QRICH2: variants seen among roughly 807,000 people sequenced by gnomAD.
QRICH2 encodes glutamine rich 2, also known as glutamine-rich protein 2.
A neutral mutation model predicts 168.3 loss-of-function variants in QRICH2; 119 were observed. The observed-to-expected ratio is 0.71, with a 90% confidence interval of 0.61 to 0.82. QRICH2 has a LOEUF of 0.82. Ranked by LOEUF, QRICH2 falls within the 40% of genes least tolerant of loss-of-function variation. The probability of loss-of-function intolerance (pLI) is 0.00; values close to 1 mark genes in which losing one functional copy is unlikely to be tolerated. For missense variants in QRICH2, 2,241 were observed against 2,491.6 expected (o/e 0.90, Z 2.14); for synonymous variants, 894 against 951.2 (o/e 0.94, Z 1.11).
intron 3 of QRICH2, among the ~76,000 whole-genome samples, chr17:76,297,570 C>G (rs764598409): frequency 1.3e-5 from 2 of 152,008 alleles, no homozygotes; most frequent in Non-Finnish European, 2.9e-5. Context: ...ATGGCTGGCA[C>G]CTGATCAAAG....
At chr17:76,298,280 G>A (rs1373245136) in intron 3 of QRICH2, among the ~76,000 whole-genome samples, 2 of 146,438 alleles carry the variant, frequency 1.4e-5, no homozygotes, top group African/African-American at 2.6e-5. Context: ...ACCTCCCGGC[G>A]CCATTCTCCT....
At position 76,280,307 on chromosome 17, in the gene QRICH2, G is replaced by A; in HGVS notation, c.4606C>T (p.Leu1536Phe). The change falls in exon 11 of 19, where the codon CTC becomes TTC. Residue 1536 changes from leucine to phenylalanine, a missense_variant. Physicochemically the swap from Leu to Phe is conservative, Grantham distance 22. This residue lies in a region of QRICH2 where 2,047 missense variants were observed against 2,303.8 expected (regional missense o/e 0.89). Coordinates refer to ENST00000680821, the MANE Select transcript of QRICH2 (RefSeq NM_001388453.1). This position sits in a 1 kb window ranked among gnomAD's most constrained non-coding sequence, Gnocchi z 7.4. ...CTCACCTTGTTGTCCATCTCTGTGA[G>A]CAGCCTGTCCAGCATCTTCTGCCAG... ...QDWQKMLDRL[L>F]TEMDNKLDRL... 6.2e-7 allele frequency: 1 copy of A among 1,614,150 alleles called. No individual in the cohort carries two copies. The highest frequency in any genetic ancestry group is 8.5e-7 in the Non-Finnish European group (1 of 1,180,026).
At chr17:76,277,956 C>T (rs1321761520) in intron 15 of QRICH2, 33 bp downstream of exon 15, 21 of 1,600,582 alleles carry the variant, frequency 1.3e-5, no homozygotes, top group Non-Finnish European at 1.8e-5. Context: ...CACTGGGTGC[C>T]TGCTCCCATG....
Position 76,274,097 on chromosome 17 carries a change from C to T in QRICH2, c.5646G>A (p.Arg1882=). 1.3e-6 allele frequency: 2 copies of T among 1,579,858 alleles called. No individual in the cohort carries two copies. Among genetic ancestry groups the T allele is most frequent in the Non-Finnish European group, 1.7e-6 (2 of 1,167,906 alleles). The change falls in exon 19 of 19, where the codon CGG becomes CGA. Residue 1882 remains arginine, a synonymous_variant. Coordinates refer to ENST00000680821, the MANE Select transcript of QRICH2 (RefSeq NM_001388453.1). The stretch of plus-strand genomic sequence containing the variant: ...CCTCCGCTCACTGAGCGGTGCTGGA[C>T]CGCGGCCCCCGCGTGGGCTCCTCGA... ...EGLEEPTRGP[R]SSTAQ is the part of the protein sequence containing the mutation.
chr17:76,308,848 T>C (rs138891180), upstream of QRICH2, among the ~76,000 whole-genome samples: 19,255 of 151,620 alleles, frequency 0.13, 2,867 homozygotes, highest in African/African-American at 0.37. Flanking sequence ...CGGGTTGACA[T>C]GATTCTCCTG....
chr17:76,274,282 G>A, intron 18 of QRICH2, 22 bp from the exon 19 acceptor site: 7 of 1,571,578 alleles, frequency 4.5e-6, no homozygotes, highest in Non-Finnish European at 6.0e-6. Flanking sequence ...GGGTGCTGAG[G>A]TTGCTCAACA....
At chr17:76,301,703 A>ATTT (rs370779519) in intron 3 of QRICH2, among the ~76,000 whole-genome samples, 10 of 121,782 alleles carry the variant, frequency 8.2e-5, no homozygotes, top group African/African-American at 2.1e-4. Flanking sequence ...GTGTTTTATA[A>ATTT]TTTTTTTTTT....
At position 76,275,895 on chromosome 17, in the gene QRICH2, C is replaced by A. The variant is rs1476064695; in HGVS notation, c.5406G>T (p.Arg1802Ser). ...KSQQPRPHVH[R>S]PPSLSSNGQL... The stretch of plus-strand genomic sequence containing the variant: ...GGCCATTGCTGCTGAGGGATGGCGG[C>A]CTGTGCACGTGGGGCCTGGGCTGCT... The change falls in exon 18 of 19, where the codon AGG becomes AGT. Residue 1802 changes from arginine to serine, a missense_variant. Around this residue, in one of 3 missense-constraint regions of QRICH2, gnomAD observed 189 missense variants for 169.3 expected, o/e 1.12. Coordinates refer to ENST00000680821, the MANE Select transcript of QRICH2 (RefSeq NM_001388453.1). 6.2e-7 allele frequency: 1 copy of A among 1,609,106 alleles called. No individual in the cohort carries two copies. The highest frequency in any genetic ancestry group is 2.2e-5 in the East Asian group (1 of 44,874).
chr17:76,287,747 GC>G, intron 6 of QRICH2, 52 bp downstream of exon 6: 1 of 1,388,348 alleles, frequency 7.2e-7, no homozygotes, highest in Non-Finnish European at 1.0e-6. Context: ...CACCTCCTTG[GC>G]TGAGAATTCG....
At chr17:76,285,585 C>T (rs2070867697) in intron 7 of QRICH2, among the ~76,000 whole-genome samples, 1 of 151,362 alleles carries the variant, frequency 6.6e-6, no homozygotes, top group South Asian at 2.1e-4. Context: ...AAAACTTATA[C>T]ATGAGGCCAG....
intron 5 of QRICH2, among the ~76,000 whole-genome samples, chr17:76,289,514 T>C (rs9900514): frequency 0.39 from 58,720 of 151,934 alleles, 12,779 homozygotes; most frequent in African/African-American, 0.6. Context: ...ATCCAGGAAA[T>C]GAACACGATG....
rs775515552 is a variant in QRICH2, at chr17:76,291,188, C to T, written c.3539G>A (p.Arg1180His). 5.0e-6 allele frequency: 8 copies of T among 1,614,032 alleles called. No individual in the cohort carries two copies. Among genetic ancestry groups the T allele is most frequent in the East Asian group, 2.2e-5 (1 of 44,896 alleles). ...AGAACTCATTCTACGCAGTGAATTG[C>T]GTCGCTCACTCAGGACTTCACTCGA... ...EVSSEVLSER[R>H]NSLRRMSSSF... The change falls in exon 4 of 19, where the codon CGC becomes CAC. Residue 1180 changes from arginine (R) to histidine (H), a missense_variant. Arg to His is a conservative substitution (Grantham distance 29, BLOSUM62 0). Coordinates refer to ENST00000680821, the MANE Select transcript of QRICH2 (RefSeq NM_001388453.1).
Position 76,291,055 on chromosome 17 carries a change from T to C in QRICH2, c.3672A>G (p.Gln1224=), listed in dbSNP as rs918573283. The change falls in exon 4 of 19, where the codon CAA becomes CAG. Residue 1224 remains glutamine (Q), a synonymous_variant. Transcript: ENST00000680821. ...MKDLDEEQAG[Q]TDLEKIQFLL... is the part of the protein sequence containing the mutation. ...GGAACTGGATCTTCTCCAAGTCGGT[T>C]TGGCCGGCCTGCTCCTCATCCAGAT... The C allele has an allele frequency of 1.2e-6, 2 of 1,613,818 alleles. No homozygotes were observed. The highest frequency in any genetic ancestry group is 1.3e-5 in the African/African-American group (1 of 74,916).
chr17:76,307,896 C>G lies in QRICH2; in HGVS notation c.103G>C (p.Val35Leu), dbSNP rs1910908234. 1.6e-6 allele frequency: 2 copies of G among 1,266,448 alleles called. No individual in the cohort carries two copies. The highest frequency in any genetic ancestry group is 3.1e-5 in the East Asian group (1 of 32,434). The allele number at this position is 1,266,448 out of a possible 1,614,324, so 78.5% of individuals were successfully genotyped here. ...AGGTCGAGGTTCTTGAGCATGGCCA[C>G]GATGAGCGTGTGCAGGGCCGTGAAG... Reference protein sequence around the residue: ...VNFTALHTLIVAMLKNLDLQN... With the variant: ...VNFTALHTLILAMLKNLDLQN... The change falls in exon 1 of 19, where the codon GTG (valine) becomes CTG (leucine). Residue 35 changes from valine (V) to leucine (L), a missense_variant. Transcript: ENST00000680821. The surrounding 1 kb of genome is among the most constrained non-coding windows in gnomAD (Gnocchi z 5.3).
chr17:76,292,699 A>C lies in QRICH2; in HGVS notation c.2028T>G (p.Phe676Leu). The change falls in exon 4 of 19, where the codon TTT becomes TTG. Residue 676 changes from phenylalanine to leucine, a missense_variant. By Grantham distance (22) the Phe-to-Leu change is conservative. Coordinates refer to ENST00000680821, the MANE Select transcript of QRICH2 (RefSeq NM_001388453.1). Reference protein sequence around the residue: ...DQPGMVQPGRFQRALVQPGAY... With the variant: ...DQPGMVQPGRLQRALVQPGAY... ...CACCAGGCTGCACCAAAGCACGCTG[A>C]AATCTGCCAGGTTGGACCATGCCAG... The C allele has an allele frequency of 6.8e-6, 11 of 1,613,692 alleles. No individual in the cohort carries two copies. Among genetic ancestry groups the C allele is most frequent in the Non-Finnish European group, 9.3e-6 (11 of 1,179,938 alleles).
intron 5 of QRICH2, among the ~76,000 whole-genome samples, chr17:76,288,497 G>C (rs2143257491): frequency 6.6e-6 from 1 of 150,396 alleles, no homozygotes; most frequent in Admixed American, 6.6e-5. Flanking sequence ...CTGAGGTCAG[G>C]AGTTCCAGAC....
In QRICH2 at chr17:76,281,801, G is replaced by A; in HGVS notation, c.4263+63C>T. The A allele has an allele frequency of 1.9e-6, 3 of 1,582,696 alleles. No individual in the cohort carries two copies. On this transcript the variant is annotated intron_variant, in intron 8 of 18. Coordinates refer to ENST00000680821, the MANE Select transcript of QRICH2 (RefSeq NM_001388453.1). This position sits in a 1 kb window ranked among gnomAD's most constrained non-coding sequence, Gnocchi z 4.4. Reference sequence around the variant, plus strand: ...GCCCCACTTCTGTGGGTCTGCAGCAGGGTGGCCCTCCTCTGTGGGGCCATG... The same window carrying A: ...GCCCCACTTCTGTGGGTCTGCAGCAAGGTGGCCCTCCTCTGTGGGGCCATG...
chr17:76,289,995 T>C lies in QRICH2; in HGVS notation c.3795A>G (p.Ala1265=), dbSNP rs752155720. 1.2e-6 allele frequency: 2 copies of C among 1,606,100 alleles called. No homozygotes were observed. The highest frequency in any genetic ancestry group is 2.2e-5 in the East Asian group (1 of 44,582). Residue 1265 remains alanine (A), a synonymous_variant, in exon 5 of 19, where the codon GCA becomes GCG. Transcript: ENST00000680821. ...TLAKEVWQEK[A]KVERLQRILE... ...AAGTGGGTTGACTCTTCCTTACTTT[T>C]GCTTTCTCCTGCCAAACTTCTTTGG...
chr17:76,306,599 T>C (rs1452960811), intron 1 of QRICH2, among the ~76,000 whole-genome samples: 1 of 152,136 alleles, frequency 6.6e-6, no homozygotes, highest in African/African-American at 2.4e-5. Flanking sequence ...AAAAGTCCAG[T>C]TGAAGGCAGG....
Sources: gnomAD v4.1 joint callset for allele counts (sites outside exome capture counted in the v4.1 genomes callset) on GRCh38, gnomAD v4.1.1 for gene constraint, gnomAD v4.1.1 regional missense constraint, Gnocchi (gnomAD v3.1) non-coding constraint, MANE v1.5 for transcripts, NCBI Gene and HGNC (gene_info 2026-07-23, HGNC 2026-07-21) for gene names.